The following GORAB variants were observed in gnomAD, a reference collection of about 807,000 sequenced individuals.
GORAB encodes RAB6-interacting golgin.
A neutral mutation model predicts 29.9 loss-of-function variants in GORAB; 17 were observed. The observed-to-expected ratio is 0.57, with a 90% confidence interval of 0.39 to 0.85. The LOEUF (loss-of-function observed/expected upper bound fraction) is 0.85, where lower values mean the gene tolerates loss of function less well. Ranked by LOEUF, GORAB falls within the 40% of genes least tolerant of loss-of-function variation. The pLI, the probability that GORAB is intolerant of heterozygous loss-of-function variation, is 0.00. For missense variants in GORAB, 442 were observed against 437.8 expected, an observed-to-expected ratio of 1.01 and a Z score of -0.09; for synonymous variants, 183 against 157.2, an observed-to-expected ratio of 1.16 and a Z score of -1.23.
At chr1:170,534,972 T>C (rs1648966164) in intron 1 of GORAB, among the ~76,000 whole-genome samples, 1 of 152,180 alleles carries the variant, frequency 6.6e-6, no homozygotes, top group Non-Finnish European at 1.5e-5. Context: ...AATAAGTCAA[T>C]TGTTTAAAAT....
intron 1 of GORAB, among the ~76,000 whole-genome samples, chr1:170,534,171 A>G (rs950427554): frequency 3.9e-5 from 6 of 152,172 alleles, no homozygotes; most frequent in Non-Finnish European, 7.3e-5. Context: ...GGATAAATAA[A>G]TTGTGGTATA....
chr1:170,553,467 GATTT>G lies in GORAB; in HGVS notation c.*1012_*1015del, dbSNP rs1040249198. On this transcript the variant is annotated 3_prime_UTR_variant, in exon 5 of 5. Transcript: ENST00000367763. Reference sequence around the variant, plus strand: ...ACAAAGTCTGTGAATATCACATTATGATTTATTTATCAGAAATTCCAAAAAGTAA... The same window carrying G: ...ACAAAGTCTGTGAATATCACATTATGATTTATCAGAAATTCCAAAAAGTAA... The G allele has an allele frequency of 8.8e-5, 38 of 432,288 alleles. No individual in the cohort carries two copies. The highest frequency in any genetic ancestry group is 4.1e-4 in the African/African-American group (20 of 48,352). The allele number at this position is 432,288 out of a possible 1,614,324, so 26.8% of individuals were successfully genotyped here. A position where few individuals can be genotyped will look rare whatever the true frequency, so the allele number is the denominator to read the frequency against.
At chr1:170,537,796 CTTATTGT>C (rs71771879) in intron 1 of GORAB, among the ~76,000 whole-genome samples, 5,693 of 152,074 alleles carry the variant, frequency 0.037, 344 homozygotes, top group African/African-American at 0.13. Context: ...GCCTGATTTG[CTTATTGT>C]TTATTGTTTA....
rs978491626 is a variant in GORAB at position 170,553,357 on chromosome 1, A to T, written c.*895A>T. On this transcript the variant is annotated 3_prime_UTR_variant, in exon 5 of 5. Transcript: ENST00000367763. ...AAATTGTTAAAATGCTGATTTTCTTATTAGTTTGTTAATTGCCTGTTACTA... is the reference window on the plus strand; with the variant it reads ...AAATTGTTAAAATGCTGATTTTCTTTTTAGTTTGTTAATTGCCTGTTACTA... The T allele has an allele frequency of 1.5e-5, 7 of 452,472 alleles. No homozygotes were observed. Among genetic ancestry groups the T allele is most frequent in the Admixed American group, 7.1e-5 (3 of 42,374 alleles). The allele number at this position is 452,472 out of a possible 1,614,324, so 28.0% of individuals were successfully genotyped here. A position where few individuals can be genotyped will look rare whatever the true frequency, so the allele number is the denominator to read the frequency against.
intron 4 of GORAB, among the ~76,000 whole-genome samples, chr1:170,549,045 G>A (rs569326171): frequency 3.9e-5 from 6 of 152,296 alleles, no homozygotes; most frequent in Non-Finnish European, 7.4e-5. Context: ...GTGGAACCCA[G>A]TGGTATACTG....
intron 3 of GORAB, among the ~76,000 whole-genome samples, chr1:170,543,091 T>A (rs1157202822): frequency 6.6e-6 from 1 of 152,208 alleles, no homozygotes; most frequent in African/African-American, 2.4e-5. Context: ...ATAGTTTAAC[T>A]TTTTATTGAT....
chr1:170,541,971 A>C (rs1649454579), intron 2 of GORAB, among the ~76,000 whole-genome samples: 1 of 151,952 alleles, frequency 6.6e-6, no homozygotes, highest in African/African-American at 2.4e-5. Flanking sequence ...AAAGAAAGAC[A>C]AAAAAAAGTC....
At position 170,552,070 on chromosome 1, in the gene GORAB, C is replaced by T. The variant is rs139455579; in HGVS notation, c.718C>T (p.Arg240Cys). The change falls in exon 5 of 5, where the codon CGC becomes TGC. Residue 240 changes from arginine to cysteine, a missense_variant. Coordinates refer to ENST00000367763, the MANE Select transcript of GORAB (RefSeq NM_152281.3). Reference sequence around the variant, plus strand: ...CATTGCAGCAAAGCTAGATATACAGCGCAAGACTGAGATAAAAGAGCAACT... The same window carrying T: ...CATTGCAGCAAAGCTAGATATACAGTGCAAGACTGAGATAAAAGAGCAACT... ...EYIAAKLDIQ[R>C]KTEIKEQLTE... is the part of the protein sequence containing the mutation. The T allele has an allele frequency of 2.5e-5, 41 of 1,613,902 alleles. No individual in the cohort carries two copies. Among genetic ancestry groups the T allele is most frequent in the African/African-American group, 9.3e-5 (7 of 74,980 alleles).
At position 170,535,217 on chromosome 1, in the gene GORAB, C is replaced by G. The variant is rs952120589; in HGVS notation, c.61+2933C>G. ...ACTTGGGAGACAGGAAATAAATTCTCTCTTCTAAAAGGAGGATTATGTCTA... is the reference window on the plus strand; with the variant it reads ...ACTTGGGAGACAGGAAATAAATTCTGTCTTCTAAAAGGAGGATTATGTCTA... On this transcript the variant is annotated intron_variant, in intron 1 of 4. Coordinates refer to ENST00000367763, the MANE Select transcript of GORAB (RefSeq NM_152281.3). Among the ~76,000 whole-genome samples the G allele has an allele frequency of 9.8e-5, 15 of 152,298 alleles. No homozygotes were observed. In the South Asian group the frequency reaches 1.7e-3, roughly 17 times the overall value.
chr1:170,542,637 G>A (rs775941460), intron 3 of GORAB, 45 bp downstream of exon 3: 1 of 1,166,574 alleles, frequency 8.6e-7, no homozygotes, highest in Non-Finnish European at 1.3e-6. Context: ...CCTGTAACCA[G>A]TTGTGTCATG....
intron 3 of GORAB, among the ~76,000 whole-genome samples, chr1:170,543,907 TA>T (rs958426305): frequency 6.6e-6 from 1 of 152,154 alleles, no homozygotes; most frequent in African/African-American, 2.4e-5. Flanking sequence ...AAAGGAAGGG[TA>T]AATGCCTAAG....
chr1:170,543,630 CT>C (rs34490973), intron 3 of GORAB, among the ~76,000 whole-genome samples: 151 of 135,682 alleles, frequency 1.1e-3, no homozygotes, highest in African/African-American at 8.3e-4. Flanking sequence ...GTAGTGCCCT[CT>C]TTTTTTTTTT....
intron 3 of GORAB, among the ~76,000 whole-genome samples, chr1:170,543,630 C>CTT (rs34490973): frequency 0.28 from 38,222 of 135,516 alleles, 6,328 homozygotes; most frequent in East Asian, 0.58. Context: ...GTAGTGCCCT[C>CTT]TTTTTTTTTT....
At chr1:170,538,742 C>A (rs1427318294) in intron 1 of GORAB, among the ~76,000 whole-genome samples, 1 of 152,112 alleles carries the variant, frequency 6.6e-6, no homozygotes, top group African/African-American at 2.4e-5. Context: ...ACATATGTAC[C>A]AAATTGCCCT....
At chr1:170,545,666 A>G in intron 4 of GORAB, 1 of 983,988 alleles carries the variant, frequency 1.0e-6, no homozygotes, top group Non-Finnish European at 1.2e-6. Flanking sequence ...CTGTTACACT[A>G]GAAATGAATC....
chr1:170,543,819 C>T (rs945347098), intron 3 of GORAB, among the ~76,000 whole-genome samples: 7 of 151,870 alleles, frequency 4.6e-5, no homozygotes, highest in African/African-American at 1.5e-4. Context: ...GGAAATACAA[C>T]GTTTGAACTA....
rs1650203212 is a variant in GORAB at position 170,552,672 on chromosome 1, C to T, written c.*210C>T. ...GGGTATGTTTCACCTTGATTTTGGC[C>T]CGGTTCTTTCAGTGTTCCGTTTACC... On this transcript the variant is annotated 3_prime_UTR_variant, in exon 5 of 5. Coordinates refer to ENST00000367763, the MANE Select transcript of GORAB (RefSeq NM_152281.3). 4.9e-6 allele frequency: 3 copies of T among 614,226 alleles called. No homozygotes were observed. Among genetic ancestry groups the T allele is most frequent in the Non-Finnish European group, 6.0e-6 (2 of 331,356 alleles). 38.0% of individuals were successfully genotyped at this position (614,226 alleles called of 1,614,324 possible).
chr1:170,537,306 C>G (rs1223849183), intron 1 of GORAB, among the ~76,000 whole-genome samples: 1 of 152,136 alleles, frequency 6.6e-6, no homozygotes, highest in Non-Finnish European at 1.5e-5. Context: ...AGTGTTATGT[C>G]ACTACTGGGT....
Position 170,539,471 on chromosome 1 carries a change from A to C in GORAB, c.323A>C (p.Lys108Thr). 1 of 1,614,146 alleles carries C rather than the reference A, an allele frequency of 6.2e-7. No individual in the cohort carries two copies. Among genetic ancestry groups the C allele is most frequent in the African/African-American group, 1.3e-5 (1 of 75,062 alleles). Reference protein sequence around the residue: ...GQPQGIESQPKELGLENSHDG... With the variant: ...GQPQGIESQPTELGLENSHDG... ...CCACAGGGCATTGAAAGTCAGCCAA[A>C]GGAACTGGGACTTGAGAATTCCCAT... Residue 108 changes from lysine (K) to threonine (T), a missense_variant, in exon 2 of 5, where the codon AAG becomes ACG. Physicochemically the swap from Lys to Thr is moderately conservative, Grantham distance 78. Coordinates refer to ENST00000367763, the MANE Select transcript of GORAB (RefSeq NM_152281.3).
Sources: allele counts gnomAD v4.1 joint callset (sites outside exome capture counted in the v4.1 genomes callset), GRCh38; gene constraint gnomAD v4.1.1; transcripts MANE v1.5; gene names NCBI Gene and HGNC (gene_info 2026-07-23, HGNC 2026-07-21).